SMYD3: variants seen among roughly 807,000 people sequenced by gnomAD.
SMYD3 encodes the protein SET and MYND domain containing 3.
In SMYD3, 36 loss-of-function variants were observed where a neutral mutation model predicts 57.7. The observed-to-expected ratio is 0.62, with a 90% CI of 0.48 to 0.82. The LOEUF (loss-of-function observed/expected upper bound fraction) is 0.82. Ranked by LOEUF, SMYD3 falls within the 40% of genes least tolerant of loss-of-function variation. The probability of loss-of-function intolerance (pLI) is 0.00; values close to 1 mark genes in which losing one functional copy is unlikely to be tolerated. For missense variants in SMYD3, 515 were observed against 538.8 expected (o/e 0.96, Z 0.44); for synonymous variants, 211 against 195.0 (o/e 1.08, Z -0.68).
intron 5 of SMYD3, among the ~76,000 whole-genome samples, chr1:246,314,638 T>A (rs1034160441): frequency 6.6e-6 from 1 of 152,128 alleles, no homozygotes; most frequent in African/African-American, 2.4e-5. Flanking sequence ...CTGGAAAGTA[T>A]GGGCCAAAAA....
In SMYD3 at chr1:246,381,300, A is replaced by G. The variant is rs375143579; in HGVS notation, c.165-26206T>C. ...CTTTTATTAAAGAAGTGCCCAGCGA[A>G]TATCTGGTAGATAACCAGCAGTTTT... is the stretch of plus-strand genomic sequence containing the variant. On this transcript the variant is annotated intron_variant, in intron 1 of 11. Transcript: ENST00000490107. 5.9e-5 allele frequency among the ~76,000 whole-genome samples: 9 copies of G among 152,258 alleles called. 1 individual carries two copies. The East Asian group carries it at 1.2e-3, about 20-fold the overall frequency.
intron 10 of SMYD3, among the ~76,000 whole-genome samples, chr1:245,808,410 C>T (rs1934584): frequency 0.048 from 7,369 of 152,248 alleles, 313 homozygotes; most frequent in East Asian, 0.19. Context: ...GAGGGTAACA[C>T]AATCACACAA....
intron 5 of SMYD3, among the ~76,000 whole-genome samples, chr1:246,091,709 T>C (rs1050685216): frequency 1.3e-5 from 2 of 152,210 alleles, no homozygotes; most frequent in African/African-American, 4.8e-5. Flanking sequence ...GAAATCCTAG[T>C]AGTTCTTGGA....
At chr1:246,317,819 A>C (rs2065190191) in intron 5 of SMYD3, among the ~76,000 whole-genome samples, 1 of 152,098 alleles carries the variant, frequency 6.6e-6, no homozygotes, top group African/African-American at 2.4e-5. Flanking sequence ...CTCTTTACAC[A>C]CTACAAATTG....
chr1:245,797,227 C>T (rs912792307), intron 10 of SMYD3, among the ~76,000 whole-genome samples: 96 of 152,190 alleles, frequency 6.3e-4, no homozygotes, highest in South Asian at 6.2e-4. Context: ...CACATGCACA[C>T]GTATGTTTAT....
intron 5 of SMYD3, among the ~76,000 whole-genome samples, chr1:245,982,423 G>A (rs1350534467): frequency 6.6e-6 from 1 of 152,152 alleles, no homozygotes; most frequent in Non-Finnish European, 1.5e-5. Context: ...CACTACATCT[G>A]TCCCACATTT....
chr1:245,956,086 A>G (rs1327568093), intron 5 of SMYD3: 2 of 981,334 alleles, frequency 2.0e-6, no homozygotes, highest in Admixed American at 6.2e-5. Flanking sequence ...ATTATTTTCT[A>G]TTTTTTCATT....
At chr1:245,835,156 T>C (rs1043203347) in intron 10 of SMYD3, among the ~76,000 whole-genome samples, 1 of 146,100 alleles carries the variant, frequency 6.8e-6, no homozygotes, top group East Asian at 2.0e-4. Context: ...AGTCTTGCTC[T>C]GTCACCAGGC....
chr1:245,776,365 T>TAA (rs200386954), intron 10 of SMYD3, among the ~76,000 whole-genome samples: 1 of 151,884 alleles, frequency 6.6e-6, no homozygotes, highest in African/African-American at 2.4e-5. Context: ...GCATTGTCGT[T>TAA]AAAAAAAACC....
chr1:245,962,841 A>AG (rs1436210840), intron 5 of SMYD3, among the ~76,000 whole-genome samples: 5 of 152,096 alleles, frequency 3.3e-5, no homozygotes, highest in Non-Finnish European at 4.4e-5. Context: ...AACAAAAAAG[A>AG]AAAACCAAGT....
intron 5 of SMYD3, among the ~76,000 whole-genome samples, chr1:246,225,321 CAAAAAAAAAAAAA>C (rs60915002): frequency 0.025 from 1,932 of 75,960 alleles, 12 homozygotes; most frequent in African/African-American, 0.085. Flanking sequence ...GCTGAAAAGT[CAAAAAAAAAAAAA>C]AAAAAAAAAA....
At position 246,314,697 on chromosome 1, in the gene SMYD3, T is replaced by C. The variant is rs2065129307; in HGVS notation, c.531+12504A>G. On this transcript the variant is annotated intron_variant, in intron 5 of 11. Transcript: ENST00000490107. ...CATACTCAAATATGTAATACAGCAG[T>C]TCTGTTTATAACTGAGTTATCTGAA... 2.0e-5 allele frequency among the ~76,000 whole-genome samples: 3 copies of C among 152,300 alleles called. No homozygotes were observed. In the South Asian group the frequency reaches 6.2e-4, roughly 32 times the overall value.
At chr1:246,071,474 T>C (rs1263791301) in intron 5 of SMYD3, among the ~76,000 whole-genome samples, 1 of 152,212 alleles carries the variant, frequency 6.6e-6, no homozygotes, top group Non-Finnish European at 1.5e-5. Flanking sequence ...TTCAGACTTA[T>C]TTATCCCCAC....
chr1:245,877,953 A>G (rs2052575000), intron 8 of SMYD3, among the ~76,000 whole-genome samples: 1 of 152,190 alleles, frequency 6.6e-6, no homozygotes, highest in Admixed American at 6.5e-5. Flanking sequence ...ACGGGGCCCA[A>G]GAATCTCAGG....
Position 246,066,527 on chromosome 1 carries a change from A to G in SMYD3, c.532-136590T>C, listed in dbSNP as rs1309820118. Among the ~76,000 whole-genome samples, 5 of 152,352 alleles carry G rather than the reference A, an allele frequency of 3.3e-5. No homozygotes were observed. In the South Asian group the frequency reaches 1.0e-3, roughly 32 times the overall value. On this transcript the variant is annotated intron_variant, in intron 5 of 11. Transcript: ENST00000490107. ...AATAAGTACAGATTGAAACTATCTT[A>G]TAAATGAATTTGACAATGACCTGTG...
chr1:246,468,998 C>A (rs2067920449), intron 1 of SMYD3, among the ~76,000 whole-genome samples: 1 of 152,156 alleles, frequency 6.6e-6, no homozygotes, highest in Admixed American at 6.5e-5. Context: ...TACATGGTAG[C>A]CTTTTCACGC....
chr1:245,856,339 G>A (rs941396296), intron 10 of SMYD3, among the ~76,000 whole-genome samples: 3 of 152,174 alleles, frequency 2.0e-5, no homozygotes, highest in Non-Finnish European at 2.9e-5. Flanking sequence ...ATGCAGATTG[G>A]ATTTCTTGAA....
chr1:246,043,618 A>G (rs2059915320), intron 5 of SMYD3, among the ~76,000 whole-genome samples: 1 of 152,244 alleles, frequency 6.6e-6, no homozygotes, highest in Non-Finnish European at 1.5e-5. Flanking sequence ...GTGAAGAATC[A>G]GTGGTGACTT....
At chr1:246,223,527 A>G (rs1246299187) in intron 5 of SMYD3, among the ~76,000 whole-genome samples, 1 of 152,120 alleles carries the variant, frequency 6.6e-6, no homozygotes, top group African/African-American at 2.4e-5. Flanking sequence ...ATAGCACTTT[A>G]CAAAGTATTT....
Sources: gnomAD v4.1 joint callset for allele counts (sites outside exome capture counted in the v4.1 genomes callset) on GRCh38, gnomAD v4.1.1 for gene constraint, MANE v1.5 for transcripts, NCBI Gene and HGNC (gene_info 2026-07-23, HGNC 2026-07-21) for gene names.